SGK2: variants seen among roughly 807,000 people sequenced by gnomAD.
SGK2 encodes serum/glucocorticoid regulated kinase 2, also known as serine/threonine-protein kinase Sgk2.
A neutral mutation model predicts 47.5 loss-of-function variants in SGK2; 36 were observed. That is an observed-to-expected ratio of 0.76 (90% CI 0.58 to 1.00). The LOEUF (loss-of-function observed/expected upper bound fraction) is 1.00, where lower values mean the gene tolerates loss of function less well. Among genes scored for constraint, SGK2 ranks in the 50% least tolerant of loss-of-function variants. The pLI is 0.00. For synonymous variants in SGK2, 157 were observed against 181.9 expected (o/e 0.86, Z 1.10); for missense variants, 404 against 467.4 (o/e 0.86, Z 1.25).
intron 1 of SGK2, chr20:43,565,633 T>C (rs1456307191): frequency 6.6e-6 from 1 of 151,950 alleles, no homozygotes; most frequent in African/African-American, 2.4e-5. Context: ...AAGACTAAGG[T>C]CTTGAGATGC....
At chr20:43,574,208 C>T (rs927915418) in intron 9 of SGK2, among the ~76,000 whole-genome samples, 3 of 152,188 alleles carry the variant, frequency 2.0e-5, no homozygotes, top group Non-Finnish European at 2.9e-5. Context: ...GAGACCTTGC[C>T]CCCGACTCGG....
intron 1 of SGK2, among the ~76,000 whole-genome samples, chr20:43,563,135 C>CAAAAAAAAAAAAAAAA (rs796539305): frequency 3.1e-4 from 22 of 70,540 alleles, no homozygotes; most frequent in African/African-American, 5.8e-4. Flanking sequence ...GACTCTGTCT[C>CAAAAAAAAAAAAAAAA]AAAAAAAAAA....
chr20:43,580,948 T>C (rs1980758312), intron 12 of SGK2, among the ~76,000 whole-genome samples: 1 of 151,908 alleles, frequency 6.6e-6, no homozygotes, highest in Non-Finnish European at 1.5e-5. Context: ...CAATCTCGGC[T>C]CACTGTAAGC....
intron 7 of SGK2, 62 bp from the exon 8 acceptor site, chr20:43,570,962 C>G: frequency 6.2e-7 from 1 of 1,611,458 alleles, no homozygotes; most frequent in Non-Finnish European, 8.5e-7. Flanking sequence ...CCGCCCAGGT[C>G]TCCAACTCTC....
chr20:43,563,542 G>A (rs964399941), intron 1 of SGK2, among the ~76,000 whole-genome samples: 20 of 152,160 alleles, frequency 1.3e-4, no homozygotes, highest in African/African-American at 4.6e-4. Context: ...GAGGACTGGA[G>A]ACAAGGAGTC....
At chr20:43,562,853 C>T (rs1979472481) in intron 1 of SGK2, among the ~76,000 whole-genome samples, 1 of 152,128 alleles carries the variant, frequency 6.6e-6, no homozygotes, top group African/African-American at 2.4e-5. Context: ...CAGAACTAGG[C>T]TGGGCGCAGT....
In SGK2 at chr20:43,580,159, C is replaced by T. The variant is rs1464617763; in HGVS notation, c.939+98C>T. 11 of 710,158 alleles carry T rather than the reference C, an allele frequency of 1.5e-5. 1 individual carries two copies. In the East Asian group the frequency reaches 2.8e-4, roughly 18 times the overall value. 44.0% of individuals were successfully genotyped at this position (710,158 alleles called of 1,614,324 possible). A position where few individuals can be genotyped will look rare whatever the true frequency, so the allele number is the denominator to read the frequency against. On this transcript the variant is annotated intron_variant, in intron 12 of 12. Coordinates refer to ENST00000373100, the MANE Select transcript of SGK2 (RefSeq NM_170693.3). ...TATCTAGATGGAAAACTTGGGGGTC[C>T]AAGAAGCTCAGTCATTTGTCCTAGG...
At chr20:43,573,100 G>A (rs922456624) in intron 9 of SGK2, among the ~76,000 whole-genome samples, 6 of 152,328 alleles carry the variant, frequency 3.9e-5, no homozygotes, top group African/African-American at 4.8e-5. Flanking sequence ...TCTTCCAGCT[G>A]CCAAGAGCCT....
At chr20:43,568,103 G>A in intron 5 of SGK2, 104 bp downstream of exon 5, 2 of 850,092 alleles carry the variant, frequency 2.4e-6, no homozygotes, top group Non-Finnish European at 3.8e-6. Context: ...ATGGGCCTGG[G>A]TGCAGAAGTG....
At chr20:43,566,405 GCCCTGGATGGGCGGAGCTGA>G (rs751077158) in intron 1 of SGK2, 48 bp from the exon 2 acceptor site, 1 of 1,614,166 alleles carries the variant, frequency 6.2e-7, no homozygotes, top group Admixed American at 1.7e-5. Flanking sequence ...GGTGCCTGAA[GCCCTGGATGGGCGGAGCTGA>G]CCCCCCAACA....
At chr20:43,568,473 CACATCATGGA>C (rs1185024299) in intron 5 of SGK2, among the ~76,000 whole-genome samples, 2 of 151,524 alleles carry the variant, frequency 1.3e-5, no homozygotes, top group Non-Finnish European at 2.9e-5. Flanking sequence ...ACATGCACAG[CACATCATGGA>C]CTTCTTTTTT....
chr20:43,562,353 G>A (rs1979438794), intron 1 of SGK2, among the ~76,000 whole-genome samples: 1 of 131,398 alleles, frequency 7.6e-6, no homozygotes, highest in Admixed American at 8.8e-5. Flanking sequence ...GGGAGGTAAA[G>A]ATTGCAGAGA....
chr20:43,573,507 A>AC (rs1404277553), intron 9 of SGK2, among the ~76,000 whole-genome samples: 1 of 151,544 alleles, frequency 6.6e-6, no homozygotes, highest in East Asian at 1.9e-4. Flanking sequence ...AAAAAAAAAA[A>AC]AACTTTATTT....
At chr20:43,560,360 G>A (rs575359038) in intron 1 of SGK2, among the ~76,000 whole-genome samples, 1 of 152,040 alleles carries the variant, frequency 6.6e-6, no homozygotes, top group Non-Finnish European at 1.5e-5. Context: ...TTAGCCGAGC[G>A]TCGTGACACA....
chr20:43,567,752 G>A, intron 4 of SGK2, 30 bp downstream of exon 4: 1 of 1,607,992 alleles, frequency 6.2e-7, no homozygotes, highest in Non-Finnish European at 8.5e-7. Flanking sequence ...TGGGAAGCCT[G>A]GGTCTTCCCT....
chr20:43,565,942 G>A (rs139934220), intron 1 of SGK2: 14 of 176,252 alleles, frequency 7.9e-5, no homozygotes, highest in East Asian at 4.7e-4. Context: ...CAAGGAGATC[G>A]TAGCACAGAG....
intron 11 of SGK2, among the ~76,000 whole-genome samples, 158 bp downstream of exon 11, chr20:43,576,537 T>C (rs1258242734): frequency 1.3e-5 from 2 of 152,266 alleles, no homozygotes; most frequent in African/African-American, 2.4e-5. Flanking sequence ...GCTGACTACT[T>C]TCTCCAGTCT....
intron 12 of SGK2, among the ~76,000 whole-genome samples, chr20:43,584,048 T>C (rs934886557): frequency 6.6e-6 from 1 of 152,174 alleles, no homozygotes; most frequent in African/African-American, 2.4e-5. Flanking sequence ...AGCTCTCTCA[T>C]ATCTGTGGTC....
intron 10 of SGK2, 31 bp downstream of exon 10, chr20:43,575,035 A>G (rs1980380155): frequency 1.3e-6 from 2 of 1,486,760 alleles, no homozygotes; most frequent in Admixed American, 1.7e-5. Context: ...TACAAGGGCC[A>G]TCTGGCTAGG....
Sources: allele counts gnomAD v4.1 joint callset (sites outside exome capture counted in the v4.1 genomes callset), GRCh38; gene constraint gnomAD v4.1.1; transcripts MANE v1.5; gene names NCBI Gene and HGNC (gene_info 2026-07-23, HGNC 2026-07-21).